The following RARB variants were observed in gnomAD, a reference collection of about 807,000 sequenced individuals.
The protein encoded by RARB is HBV-activated protein.
In RARB, 17 loss-of-function variants were observed where a neutral mutation model predicts 51.9. The ratio of observed to expected loss-of-function variants is 0.33; its 90% CI spans 0.22 to 0.49. RARB has a LOEUF of 0.49. RARB is among the 20% of genes least tolerant of loss of function. The pLI is 0.99. For missense variants in RARB, 369 were observed against 550.8 expected (o/e 0.67, Z 3.30); for synonymous variants, 215 against 195.4 (o/e 1.10, Z -0.84).
intron 5 of RARB, among the ~76,000 whole-genome samples, chr3:25,213,788 T>C (rs1402823280): frequency 6.6e-6 from 1 of 152,226 alleles, no homozygotes; most frequent in East Asian, 1.9e-4. Context: ...TGGTCAATCA[T>C]GCCTATTTAA....
intron 2 of RARB, among the ~76,000 whole-genome samples, chr3:25,049,018 C>CT (rs1295708484): frequency 6.6e-6 from 1 of 152,174 alleles, no homozygotes. Flanking sequence ...TCCCAGAGTG[C>CT]TGGGCTTACA....
At chr3:25,320,991 T>G (rs1704554613) in intron 5 of RARB, among the ~76,000 whole-genome samples, 1 of 152,224 alleles carries the variant, frequency 6.6e-6, no homozygotes, top group Non-Finnish European at 1.5e-5. Context: ...TATATCCTTC[T>G]TTGAATTATA....
upstream of RARB, among the ~76,000 whole-genome samples, chr3:25,425,083 A>G (rs985699023): frequency 6.6e-6 from 1 of 152,232 alleles, no homozygotes; most frequent in African/African-American, 2.4e-5. Context: ...TCATTGATCA[A>G]ACACAAAGAA....
At chr3:25,265,980 C>T (rs1321582464) in intron 5 of RARB, among the ~76,000 whole-genome samples, 1 of 152,160 alleles carries the variant, frequency 6.6e-6, no homozygotes, top group Non-Finnish European at 1.5e-5. Flanking sequence ...CAACTCTCAA[C>T]CTAGTCATCC....
chr3:25,309,754 C>CA (rs1472392884), intron 5 of RARB, among the ~76,000 whole-genome samples: 2 of 152,028 alleles, frequency 1.3e-5, no homozygotes, highest in African/African-American at 4.8e-5. Context: ...CTCGGCCTCC[C>CA]AAAGTGCTGG....
intron 5 of RARB, among the ~76,000 whole-genome samples, chr3:25,180,883 C>A (rs1345743880): frequency 6.6e-6 from 1 of 152,192 alleles, no homozygotes; most frequent in Non-Finnish European, 1.5e-5. Flanking sequence ...GTGGTACCAT[C>A]AATTCCCTTG....
At chr3:25,153,019 G>A (rs938596165) in intron 4 of RARB, among the ~76,000 whole-genome samples, 2 of 152,142 alleles carry the variant, frequency 1.3e-5, no homozygotes, top group Admixed American at 1.3e-4. Context: ...TTCTTCAGGG[G>A]AAAAGGACAG....
chr3:25,459,564 A>G (rs1205933125), intron 1 of RARB, among the ~76,000 whole-genome samples: 2 of 152,334 alleles, frequency 1.3e-5, no homozygotes, highest in South Asian at 2.1e-4. Context: ...GACACTAGGT[A>G]GGAAGAAGGG....
chr3:24,950,250 A>G (rs1026546067), intron 2 of RARB, among the ~76,000 whole-genome samples: 8 of 152,156 alleles, frequency 5.3e-5, no homozygotes, highest in African/African-American at 1.7e-4. Context: ...AAACAGTTTC[A>G]TTTCTTCATT....
chr3:25,251,044 C>T (rs1702705728), intron 5 of RARB, among the ~76,000 whole-genome samples: 1 of 152,080 alleles, frequency 6.6e-6, no homozygotes, highest in Admixed American at 6.5e-5. Context: ...AAAGTGTTCT[C>T]TGTTAGGTGT....
chr3:25,447,586 G>C (rs188559223), intron 1 of RARB, among the ~76,000 whole-genome samples: 1 of 152,150 alleles, frequency 6.6e-6, no homozygotes, highest in Non-Finnish European at 1.5e-5. Context: ...CAATGATTTG[G>C]GACTTTGGGT....
Position 25,596,712 on chromosome 3 carries a change from C to G in RARB, c.*96C>G, listed in dbSNP as rs952686359. ...TTTTTACTGCTGCTTAGTTTTTGGA[C>G]TGAAAAGATATTAAAACTCAAGAAG... On this transcript the variant is annotated 3_prime_UTR_variant, in exon 8 of 8. Coordinates refer to ENST00000330688, the MANE Select transcript of RARB (RefSeq NM_000965.5). 4 of 1,136,424 alleles carry G rather than the reference C, an allele frequency of 3.5e-6. No individual in the cohort carries two copies. The African/African-American group carries it at 4.7e-5, about 13-fold the overall frequency. The allele number at this position is 1,136,424 out of a possible 1,614,324, so 70.4% of individuals were successfully genotyped here. A position where few individuals can be genotyped will look rare whatever the true frequency, so the allele number is the denominator to read the frequency against.
chr3:25,416,811 G>A (rs1309458782), intron 5 of RARB, among the ~76,000 whole-genome samples: 6 of 152,152 alleles, frequency 3.9e-5, no homozygotes, highest in African/African-American at 9.7e-5. Context: ...CACGTCACTC[G>A]TTTTGTCATG....
At chr3:25,236,657 A>G (rs889815830) in intron 5 of RARB, among the ~76,000 whole-genome samples, 1 of 152,104 alleles carries the variant, frequency 6.6e-6, no homozygotes, top group African/African-American at 2.4e-5. Flanking sequence ...CAATTAATAT[A>G]TACATGTGTA....
At chr3:24,913,977 A>G (rs1695054218) in intron 2 of RARB, among the ~76,000 whole-genome samples, 1 of 152,220 alleles carries the variant, frequency 6.6e-6, no homozygotes. Context: ...TCTCTATGCG[A>G]TGGAAATACA....
At chr3:25,418,690 A>T (rs759611016) in intron 5 of RARB, among the ~76,000 whole-genome samples, 44 of 152,226 alleles carry the variant, frequency 2.9e-4, no homozygotes, top group Non-Finnish European at 5.6e-4. Flanking sequence ...GATTGGACTA[A>T]CTCTCACTCC....
At chr3:25,117,754 C>T (rs1226704697) in intron 3 of RARB, among the ~76,000 whole-genome samples, 1 of 152,094 alleles carries the variant, frequency 6.6e-6, no homozygotes, top group Non-Finnish European at 1.5e-5. Flanking sequence ...CAGAATTTAC[C>T]TGGATCATTG....
intron 3 of RARB, among the ~76,000 whole-genome samples, chr3:25,132,041 T>C (rs1699961535): frequency 6.6e-6 from 1 of 151,874 alleles, no homozygotes; most frequent in African/African-American, 2.4e-5. Flanking sequence ...CAAGTACTTG[T>C]CTGCTACAAA....
chr3:25,319,771 A>G (rs1471404052), intron 5 of RARB, among the ~76,000 whole-genome samples: 1 of 152,186 alleles, frequency 6.6e-6, no homozygotes, highest in South Asian at 2.1e-4. Context: ...TGCCATCCAG[A>G]AAGGAGAGAT....
Sources: gnomAD v4.1 joint callset for allele counts (sites outside exome capture counted in the v4.1 genomes callset) on GRCh38, gnomAD v4.1.1 for gene constraint, MANE v1.5 for transcripts, NCBI Gene and HGNC (gene_info 2026-07-23, HGNC 2026-07-21) for gene names.